The following MIA2 variants were observed in gnomAD, a reference collection of about 807,000 sequenced individuals.
MIA2 encodes MIA SH3 domain ER export factor 2.
In MIA2, 127 loss-of-function variants were observed where a neutral mutation model predicts 167.8. That is an observed-to-expected ratio of 0.76 (90% confidence interval 0.66 to 0.88). The LOEUF is 0.88. MIA2 is among the 40% of genes least tolerant of loss of function. The probability of loss-of-function intolerance (pLI) is 0.00; values close to 1 mark genes in which losing one functional copy is unlikely to be tolerated. For missense variants in MIA2, 1,690 were observed against 1,624.7 expected, an observed-to-expected ratio of 1.04 and a Z score of -0.69; for synonymous variants, 552 against 541.9, an observed-to-expected ratio of 1.02 and a Z score of -0.26.
At chr14:39,387,374 G>C (rs1038240534) in exon 24 of MIA2, 2 of 157,922 alleles carry the variant, frequency 1.3e-5, no homozygotes, top group African/African-American at 4.8e-5. Context: ...GATTTTGAGG[G>C]GTCTAAGACA....
chr14:39,359,614 A>G (rs561867345), intron 23 of MIA2, among the ~76,000 whole-genome samples: 25 of 152,294 alleles, frequency 1.6e-4, no homozygotes, highest in African/African-American at 5.5e-4. Flanking sequence ...TCTATTGGAA[A>G]TGCAGAAATC....
intron 9 of MIA2, among the ~76,000 whole-genome samples, chr14:39,286,192 C>T (rs141573662): frequency 1.3e-4 from 20 of 152,356 alleles, no homozygotes; most frequent in East Asian, 3.9e-4. Context: ...TCTGCAATCC[C>T]GGCACCTCGG....
intron 19 of MIA2, among the ~76,000 whole-genome samples, chr14:39,313,730 A>T (rs1566880596): frequency 6.6e-6 from 1 of 152,296 alleles, no homozygotes; most frequent in East Asian, 1.9e-4. Context: ...GTTAGTGTCA[A>T]TATGAATAGA....
intron 9 of MIA2, among the ~76,000 whole-genome samples, chr14:39,290,338 T>G (rs963788269): frequency 3.9e-5 from 6 of 152,172 alleles, no homozygotes. Flanking sequence ...ATTTTTTTTT[T>G]TGGTATTTTT....
rs754609767 is a variant in MIA2, at chr14:39,247,847, C to A, written c.1273C>A (p.Gln425Lys). The part of the protein sequence containing the change: ...LTSELDPEKE[Q>K]EIETIKIIET... Reference sequence around the variant, plus strand: ...AAGTGAATTAGACCCTGAAAAAGAACAAGAAATAGAAACGATAAAAATTAT... The same window carrying A: ...AAGTGAATTAGACCCTGAAAAAGAAAAAGAAATAGAAACGATAAAAATTAT... The change falls in exon 4 of 29, where the codon CAA (glutamine) becomes AAA (lysine). Residue 425 changes from glutamine (Q) to lysine (K), a missense_variant. By Grantham distance (53) the Gln-to-Lys change is moderately conservative. Transcript: ENST00000640607. 6.3e-7 allele frequency: 1 copy of A among 1,588,498 alleles called. No individual in the cohort carries two copies. Among genetic ancestry groups the A allele is most frequent in the East Asian group, 2.2e-5 (1 of 44,760 alleles).
chr14:39,330,022 T>G lies in MIA2; in HGVS notation c.3655+3000T>G, dbSNP rs564384754. Among the ~76,000 whole-genome samples the G allele has an allele frequency of 3.3e-5, 5 of 152,310 alleles. No individual in the cohort carries two copies. In the East Asian group the frequency reaches 9.6e-4, roughly 29 times the overall value. ...GAGGATTCCCTCTTTTTCTGTTGAT[T>G]GGAATAGTTTCAGAAGGAATGGTAC... On this transcript the variant is annotated intron_variant, in intron 25 of 28. Transcript: ENST00000640607.
At chr14:39,259,698 G>GTTTT (rs10556014) in intron 6 of MIA2, among the ~76,000 whole-genome samples, 12 of 115,372 alleles carry the variant, frequency 1.0e-4, no homozygotes, top group Non-Finnish European at 2.0e-4. Flanking sequence ...GCCTGGCTAG[G>GTTTT]TTTTTTTTTT....
intron 20 of MIA2, chr14:39,315,303 CAAAA>C (rs11345079): frequency 3.8e-5 from 5 of 132,420 alleles, no homozygotes; most frequent in East Asian, 2.1e-4. Context: ...GACTCCGTCT[CAAAA>C]AAAAAAAAAA....
Position 39,246,920 on chromosome 14 carries a change from T to C in MIA2, c.346T>C (p.Phe116Leu). Reference sequence around the variant, plus strand: ...TATTTTTTCCTTTTAGGAATCTGACTTTCTTTGTCTTCTTGGAGTAAGTTA... The same window carrying C: ...TATTTTTTCCTTTTAGGAATCTGACCTTCTTTGTCTTCTTGGAGTAAGTTA... ...EIQMSTKESD[F>L]LCLLGVSYTF... Residue 116 changes from phenylalanine to leucine, a missense_variant, in exon 4 of 29, where the codon TTT (phenylalanine) becomes CTT (leucine). Transcript: ENST00000640607. 4.6e-6 allele frequency: 7 copies of C among 1,507,162 alleles called. No individual in the cohort carries two copies. The highest frequency in any genetic ancestry group is 6.2e-6 in the Non-Finnish European group (7 of 1,130,674). 93.4% of individuals were successfully genotyped at this position (1,507,162 alleles called of 1,614,324 possible).
chr14:39,323,469 A>G (rs141893666), intron 24 of MIA2, among the ~76,000 whole-genome samples: 1,728 of 87,042 alleles, frequency 0.02, 13 homozygotes, highest in Middle Eastern at 0.19. Flanking sequence ...TCCATTTTTT[A>G]CCTTGGCTTA....
intron 23 of MIA2, among the ~76,000 whole-genome samples, chr14:39,378,913 C>T (rs900644903): frequency 6.6e-6 from 1 of 152,116 alleles, no homozygotes; most frequent in African/African-American, 2.4e-5. Context: ...AATAGGATCA[C>T]AGGTCATTGT....
intron 19 of MIA2, among the ~76,000 whole-genome samples, chr14:39,314,311 C>G (rs1206057391): frequency 6.6e-6 from 1 of 151,346 alleles, no homozygotes; most frequent in African/African-American, 2.4e-5. Context: ...CATTTGAACC[C>G]TGGAGGTGGA....
chr14:39,297,666 C>CGTGTGTGTTT (rs2061612136), intron 13 of MIA2, among the ~76,000 whole-genome samples: 2 of 140,074 alleles, frequency 1.4e-5, no homozygotes, highest in Non-Finnish European at 3.1e-5. Context: ...TAGGGTTTTG[C>CGTGTGTGTTT]GTGTGTGTGT....
At chr14:39,321,741 A>G (rs144064359) in intron 24 of MIA2, among the ~76,000 whole-genome samples, 1 of 149,684 alleles carries the variant, frequency 6.7e-6, no homozygotes, top group East Asian at 2.0e-4. Context: ...AAAATTATCT[A>G]TGTGTATGTA....
intron 6 of MIA2, among the ~76,000 whole-genome samples, chr14:39,263,744 G>T (rs1420291415): frequency 3.3e-5 from 5 of 150,086 alleles, no homozygotes. Context: ...TGATTTTCCT[G>T]CCTTAGCTTC....
intron 9 of MIA2, among the ~76,000 whole-genome samples, chr14:39,288,958 C>CT (rs2060343183): frequency 6.6e-6 from 1 of 152,032 alleles, no homozygotes; most frequent in East Asian, 1.9e-4. Flanking sequence ...CTTGGTCTGG[C>CT]TTAGGTATCA....
At chr14:39,386,690 G>GC (rs2075277500) in intron 23 of MIA2, 4 of 1,177,500 alleles carry the variant, frequency 3.4e-6, no homozygotes, top group Non-Finnish European at 5.1e-6. Context: ...TATTGTTATT[G>GC]TTTTCTTGCC....
chr14:39,287,575 A>T (rs577825588), intron 9 of MIA2, among the ~76,000 whole-genome samples: 17 of 150,316 alleles, frequency 1.1e-4, no homozygotes, highest in Admixed American at 9.9e-4. Flanking sequence ...TTATTTATTT[A>T]TTTTTTTGAG....
chr14:39,380,624 C>T lies in MIA2; in HGVS notation c.2249-6261C>T, dbSNP rs564534029. Among the ~76,000 whole-genome samples the T allele has an allele frequency of 2.9e-5, 4 of 139,186 alleles. No individual in the cohort carries two copies. In the South Asian group the frequency reaches 9.9e-4, roughly 35 times the overall value. 91.3% of individuals were successfully genotyped at this position (139,186 alleles called of 152,430 possible). A position where few individuals can be genotyped will look rare whatever the true frequency, so the allele number is the denominator to read the frequency against. The stretch of plus-strand genomic sequence containing the variant: ...AGGAGAATTGCTTGAACCCGGGAGG[C>T]GGAGGTTGCAGTGAGCTGAGATCGC... On this transcript the variant is annotated intron_variant, in intron 23 of 23. Coordinates refer to the MIA2 transcript ENST00000341502.
Sources: gnomAD v4.1 joint callset for allele counts (sites outside exome capture counted in the v4.1 genomes callset) on GRCh38, gnomAD v4.1.1 for gene constraint, MANE v1.5 for transcripts, NCBI Gene and HGNC (gene_info 2026-07-23, HGNC 2026-07-21) for gene names.